ADAMTSL1: variants seen among roughly 807,000 people sequenced by gnomAD.
ADAMTSL1 encodes ADAMTS like 1.
A neutral mutation model predicts 201.8 loss-of-function variants in ADAMTSL1; 126 were observed. The ratio of observed to expected loss-of-function variants is 0.62; its 90% CI spans 0.54 to 0.72. The LOEUF (loss-of-function observed/expected upper bound fraction) is 0.72. Among genes scored for constraint, ADAMTSL1 ranks in the 30% least tolerant of loss-of-function variants. The pLI, the probability that ADAMTSL1 is intolerant of heterozygous loss-of-function variation, is 0.00. For synonymous variants in ADAMTSL1, 1,121 were observed against 903.4 expected, an observed-to-expected ratio of 1.24 and a Z score of -4.32; for missense variants, 2,679 against 2,277.8, an observed-to-expected ratio of 1.18 and a Z score of -3.59.
intron 2 of ADAMTSL1, among the ~76,000 whole-genome samples, chr9:18,399,327 A>ATATATG: frequency 8.8e-6 from 1 of 113,072 alleles, no homozygotes; most frequent in African/African-American, 3.6e-5. Flanking sequence ...ATATATATAT[A>ATATATG]TAAAATTATT....
chr9:18,167,652 C>T (rs1827693783), intron 2 of ADAMTSL1, among the ~76,000 whole-genome samples: 1 of 151,942 alleles, frequency 6.6e-6, no homozygotes, highest in African/African-American at 2.4e-5. Context: ...GGAAAATTCA[C>T]TCAACCAATA....
intron 2 of ADAMTSL1, among the ~76,000 whole-genome samples, chr9:18,442,796 T>C (rs2133460664): frequency 6.6e-6 from 1 of 152,254 alleles, no homozygotes; most frequent in East Asian, 1.9e-4. Flanking sequence ...GACTGGGTGG[T>C]AAAAGGGAGC....
chr9:18,649,901 A>G, intron 7 of ADAMTSL1, among the ~76,000 whole-genome samples: 1 of 152,082 alleles, frequency 6.6e-6, no homozygotes, highest in Non-Finnish European at 1.5e-5. Flanking sequence ...GTGCTGGGAG[A>G]ACCACTGCTC....
At chr9:18,109,354 A>C (rs1824902502) in intron 1 of ADAMTSL1, among the ~76,000 whole-genome samples, 1 of 152,100 alleles carries the variant, frequency 6.6e-6, no homozygotes, top group Admixed American at 6.6e-5. Flanking sequence ...ATCCAGGAAG[A>C]GTTTGGAGCC....
chr9:18,680,429 G>T lies in ADAMTSL1; in HGVS notation c.1254G>T (p.Trp418Cys), dbSNP rs2133163974. The T allele has an allele frequency of 6.2e-7, 1 of 1,614,134 alleles. No homozygotes were observed. Among genetic ancestry groups the T allele is most frequent in the Non-Finnish European group, 8.5e-7 (1 of 1,180,026 alleles). The change falls in exon 11 of 29, where the codon TGG becomes TGT. Residue 418 changes from tryptophan (W) to cysteine (C), a missense_variant. By Grantham distance (215) the Trp-to-Cys change is radical. Transcript: ENST00000380548. ...GGCATGTCACTTCAGTGGAAGAGTG[G>T]AAATGCATGTACACCCCTAAGATGC... Reference protein sequence around the residue: ...IQGHVTSVEEWKCMYTPKMPI... With the variant: ...IQGHVTSVEECKCMYTPKMPI...
At chr9:18,288,037 G>C (rs2132663786) in intron 2 of ADAMTSL1, among the ~76,000 whole-genome samples, 1 of 152,282 alleles carries the variant, frequency 6.6e-6, no homozygotes, top group African/African-American at 2.4e-5. Flanking sequence ...TGAAAGAACT[G>C]AGCCTGAGCG....
chr9:18,141,081 C>T lies in ADAMTSL1; in HGVS notation c.88-22781C>T, dbSNP rs149342415. ...ATGATAGTTTACTTGGAAATTCTCA[C>T]ATTTTTATTGAGTGACTGATGCCAA... On this transcript the variant is annotated intron_variant, in intron 1 of 29. Coordinates refer to the ADAMTSL1 transcript ENST00000680146. 2.4e-3 allele frequency among the ~76,000 whole-genome samples: 371 copies of T among 152,268 alleles called. 2 individuals carry two copies. The highest frequency in any genetic ancestry group is 8.2e-3 in the African/African-American group (342 of 41,556).
intron 4 of ADAMTSL1, among the ~76,000 whole-genome samples, chr9:18,606,788 C>T (rs1270885068): frequency 6.6e-6 from 1 of 152,168 alleles, no homozygotes; most frequent in East Asian, 1.9e-4. Flanking sequence ...TTATTTATTG[C>T]CTCTTCTCGG....
chr9:18,908,822 A>G lies in ADAMTSL1; in HGVS notation c.*274A>G. ...CAGGCAGACAGTGGGGGCTCCCTTGAAGAGCTTCCTCCCTCCCAAACCTGG... is the reference window on the plus strand; with the variant it reads ...CAGGCAGACAGTGGGGGCTCCCTTGGAGAGCTTCCTCCCTCCCAAACCTGG... On this transcript the variant is annotated 3_prime_UTR_variant, in exon 29 of 29. Transcript: ENST00000380548. The G allele has an allele frequency of 3.1e-6, 1 of 324,882 alleles. No homozygotes were observed. Among genetic ancestry groups the G allele is most frequent in the Admixed American group, 4.6e-5 (1 of 21,822 alleles). 20.1% of individuals were successfully genotyped at this position (324,882 alleles called of 1,614,324 possible).
intron 7 of ADAMTSL1, among the ~76,000 whole-genome samples, chr9:18,646,718 C>G (rs148410168): frequency 6.6e-6 from 1 of 151,954 alleles, no homozygotes; most frequent in Non-Finnish European, 1.5e-5. Context: ...ATTGAACCAG[C>G]CTTGCATCCC....
At chr9:18,487,129 A>C (rs746671549) in intron 1 of ADAMTSL1, among the ~76,000 whole-genome samples, 2 of 152,236 alleles carry the variant, frequency 1.3e-5, no homozygotes, top group African/African-American at 4.8e-5. Flanking sequence ...TCCTCAATTT[A>C]TCATTTTATA....
intron 2 of ADAMTSL1, among the ~76,000 whole-genome samples, chr9:18,526,863 T>A (rs1215804637): frequency 6.6e-6 from 1 of 152,180 alleles, no homozygotes. Context: ...TGTTCTAATC[T>A]ATGGTCGCTC....
intron 19 of ADAMTSL1, among the ~76,000 whole-genome samples, chr9:18,785,607 T>C (rs963557381): frequency 6.6e-6 from 1 of 152,188 alleles, no homozygotes; most frequent in Non-Finnish European, 1.5e-5. Context: ...TTTCAGTCAT[T>C]CTATATAAAC....
intron 2 of ADAMTSL1, among the ~76,000 whole-genome samples, chr9:18,335,777 C>G (rs531954182): frequency 1.3e-5 from 2 of 152,216 alleles, no homozygotes; most frequent in African/African-American, 4.8e-5. Context: ...TTTGGAGGTG[C>G]TACCATATTT....
At chr9:18,544,777 C>T (rs1820373491) in intron 3 of ADAMTSL1, among the ~76,000 whole-genome samples, 2 of 152,278 alleles carry the variant, frequency 1.3e-5, no homozygotes, top group African/African-American at 2.4e-5. Flanking sequence ...CTCAATATTG[C>T]CATGATCAGT....
At chr9:18,838,991 G>T (rs1169967868) in intron 23 of ADAMTSL1, among the ~76,000 whole-genome samples, 1 of 148,712 alleles carries the variant, frequency 6.7e-6, no homozygotes, top group Non-Finnish European at 1.5e-5. Context: ...GCATACATTT[G>T]GCCCACCCCC....
At chr9:18,429,934 C>A (rs1441317999) in intron 2 of ADAMTSL1, among the ~76,000 whole-genome samples, 1 of 151,894 alleles carries the variant, frequency 6.6e-6, no homozygotes, top group African/African-American at 2.4e-5. Flanking sequence ...GGATTACAGG[C>A]ACGTGCCACG....
chr9:17,986,508 C>CT (rs1448978102), intron 1 of ADAMTSL1, among the ~76,000 whole-genome samples: 3 of 152,122 alleles, frequency 2.0e-5, no homozygotes, highest in African/African-American at 7.2e-5. Context: ...CTGTAATCCT[C>CT]TGTCATTTTG....
intron 1 of ADAMTSL1, among the ~76,000 whole-genome samples, chr9:17,965,784 C>T (rs1020383821): frequency 6.6e-6 from 1 of 152,146 alleles, no homozygotes; most frequent in Non-Finnish European, 1.5e-5. Context: ...TTGACTGTTT[C>T]TCCAGGTTAT....
Sources: allele counts gnomAD v4.1 joint callset (sites outside exome capture counted in the v4.1 genomes callset), GRCh38; gene constraint gnomAD v4.1.1; transcripts MANE v1.5; gene names NCBI Gene and HGNC (gene_info 2026-07-23, HGNC 2026-07-21).